The following GABRR2 variants were observed in gnomAD, a reference collection of about 807,000 sequenced individuals.
GABRR2 encodes the protein gamma-aminobutyric acid receptor subunit rho-2.
Under a neutral mutation model 47.0 loss-of-function variants are expected in GABRR2, and 36 were observed. That is an observed-to-expected ratio of 0.77 (90% CI 0.59 to 1.01). The LOEUF (loss-of-function observed/expected upper bound fraction) is 1.01, where lower values mean the gene tolerates loss of function less well. GABRR2 is among the 50% of genes least tolerant of loss of function. The pLI, the probability that GABRR2 is intolerant of heterozygous loss-of-function variation, is 0.00. For synonymous variants in GABRR2, 204 were observed against 227.5 expected (o/e 0.90, Z 0.93); for missense variants, 587 against 594.6 (o/e 0.99, Z 0.13).
chr6:89,264,632 G>A, intron 7 of GABRR2, 24 bp from the exon 8 acceptor site: 1 of 1,612,630 alleles, frequency 6.2e-7, no homozygotes, highest in Non-Finnish European at 8.5e-7. Flanking sequence ...CCTTAGTTGG[G>A]CTGCTGACAG....
chr6:89,296,439 C>A (rs926740507), intron 2 of GABRR2, among the ~76,000 whole-genome samples: 9 of 152,234 alleles, frequency 5.9e-5, no homozygotes, highest in African/African-American at 2.2e-4. Flanking sequence ...GAAAGCCCTG[C>A]AGGAGATTAC....
At chr6:89,308,939 C>A (rs143696347) in intron 1 of GABRR2, among the ~76,000 whole-genome samples, 1 of 151,914 alleles carries the variant, frequency 6.6e-6, no homozygotes, top group South Asian at 2.1e-4. Context: ...GGGAGGTGGA[C>A]GATAAACCAG....
intron 2 of GABRR2, among the ~76,000 whole-genome samples, chr6:89,279,231 T>C (rs1774217661): frequency 6.6e-6 from 1 of 152,212 alleles, no homozygotes; most frequent in African/African-American, 2.4e-5. Flanking sequence ...CTTGTGTTTG[T>C]GCTCTGTTAT....
At position 89,282,180 on chromosome 6, in the gene GABRR2, G is replaced by A. The variant is rs149076523; in HGVS notation, c.221-10458C>T. On this transcript the variant is annotated intron_variant, in intron 2 of 8. Coordinates refer to ENST00000402938, the MANE Select transcript of GABRR2 (RefSeq NM_002043.5). ...CTCCCATGCTAGGCCCAGCCAGCGA[G>A]CCACCAGCCCCCCTCCTCCACCACA... Among the ~76,000 whole-genome samples the A allele has an allele frequency of 3.2e-3, 490 of 152,248 alleles. 5 individuals carry two copies. The highest frequency in any genetic ancestry group is 0.011 in the African/African-American group (468 of 41,544).
rs186571944 is a variant in GABRR2 at position 89,255,175 on chromosome 6, G to T, written c.*2495C>A. On this transcript the variant is annotated 3_prime_UTR_variant, in exon 9 of 9. Coordinates refer to ENST00000402938, the MANE Select transcript of GABRR2 (RefSeq NM_002043.5). ...TTTCTGGCCGGGTGTGGTGGCTCAC[G>T]CCTGTAATCACAGCACTTTGGGAGG... Among the ~76,000 whole-genome samples, 1 of 152,124 alleles carries T rather than the reference G, an allele frequency of 6.6e-6. No homozygotes were observed. Among genetic ancestry groups the T allele is most frequent in the African/African-American group, 2.4e-5 (1 of 41,400 alleles).
chr6:89,304,761 A>G (rs1466224641), intron 1 of GABRR2, among the ~76,000 whole-genome samples: 1 of 152,198 alleles, frequency 6.6e-6, no homozygotes, highest in East Asian at 1.9e-4. Context: ...ACCAGTCAGA[A>G]TCACTATTAT....
intron 2 of GABRR2, among the ~76,000 whole-genome samples, chr6:89,272,545 T>A (rs1774075407): frequency 6.6e-6 from 1 of 152,074 alleles, no homozygotes; most frequent in South Asian, 2.1e-4. Flanking sequence ...TAATTTTTTT[T>A]AAACTTAGAA....
intron 6 of GABRR2, among the ~76,000 whole-genome samples, chr6:89,266,999 C>CTTT (rs71024360): frequency 0.12 from 15,327 of 125,700 alleles, 1,320 homozygotes; most frequent in African/African-American, 0.19. Flanking sequence ...TTCTTTTCTT[C>CTTT]TTTTTTTTTT....
At chr6:89,302,903 T>A in intron 1 of GABRR2, 1 of 1,187,820 alleles carries the variant, frequency 8.4e-7, no homozygotes, top group Non-Finnish European at 1.2e-6. Flanking sequence ...TGTTCAAGCA[T>A]CTCAGAGCAG....
At chr6:89,304,544 G>A (rs920152639) in intron 1 of GABRR2, among the ~76,000 whole-genome samples, 10 of 150,598 alleles carry the variant, frequency 6.6e-5, no homozygotes, top group East Asian at 3.9e-4. Flanking sequence ...AGCTGAGATC[G>A]TGCCACTACA....
chr6:89,304,578 G>A (rs1379678550), intron 1 of GABRR2, among the ~76,000 whole-genome samples: 2 of 140,200 alleles, frequency 1.4e-5, no homozygotes, highest in Admixed American at 7.4e-5. Context: ...GAGAGAGTGA[G>A]ACTCCATCTC....
intron 8 of GABRR2, among the ~76,000 whole-genome samples, chr6:89,259,127 A>G (rs370070979): frequency 6.6e-6 from 1 of 152,014 alleles, no homozygotes; most frequent in African/African-American, 2.4e-5. Context: ...GTGGGCTTCC[A>G]CTGGTGCCTG....
Position 89,269,172 on chromosome 6 carries a change from G to A in GABRR2, c.351C>T (p.Ser117=), listed in dbSNP as rs752214685. 3.5e-5 allele frequency: 57 copies of A among 1,613,950 alleles called. No homozygotes were observed. Among genetic ancestry groups the A allele is most frequent in the African/African-American group, 1.6e-4 (12 of 74,950 alleles). The change falls in exon 4 of 9, where the codon AGC becomes AGT. Residue 117 remains serine, a synonymous_variant. Coordinates refer to ENST00000402938, the MANE Select transcript of GABRR2 (RefSeq NM_002043.5). The part of the protein sequence containing the change: ...YWKDERLAFS[S]ASNKSMTFDG... The stretch of plus-strand genomic sequence containing the variant: ...CGAAGGTCATGCTCTTGTTGCTGGC[G>A]CTGGAGAAAGCTAGCCTCTCATCCT...
intron 2 of GABRR2, among the ~76,000 whole-genome samples, chr6:89,284,987 G>A (rs963385833): frequency 2.0e-5 from 3 of 152,168 alleles, no homozygotes; most frequent in Non-Finnish European, 2.9e-5. Flanking sequence ...GTCCACAGCC[G>A]ACTCCCCAGG....
intron 8 of GABRR2, among the ~76,000 whole-genome samples, chr6:89,259,827 A>AG (rs1773701809): frequency 6.6e-6 from 1 of 151,424 alleles, no homozygotes. Flanking sequence ...TAATTATCAT[A>AG]GACTCATAGC....
At chr6:89,314,743 T>A (rs1767733638) in intron 1 of GABRR2, among the ~76,000 whole-genome samples, 1 of 152,184 alleles carries the variant, frequency 6.6e-6, no homozygotes, top group Non-Finnish European at 1.5e-5. Flanking sequence ...AGCAGCACAA[T>A]GTGATTTGTA....
rs1157993328 is a variant in GABRR2 at position 89,267,903 on chromosome 6, G to A, written c.596-84C>T. On this transcript the variant is annotated intron_variant, in intron 5 of 8. Transcript: ENST00000402938. ...AACAGGGAAATCCTATGCCAGTCCA[G>A]AAGTAAATAGGTCTTAACGCTGGCG... 8 of 1,581,080 alleles carry A rather than the reference G, an allele frequency of 5.1e-6. No homozygotes were observed. In the Admixed American group the frequency reaches 1.3e-4, roughly 26 times the overall value.
intron 2 of GABRR2, among the ~76,000 whole-genome samples, chr6:89,293,585 G>A (rs1158424112): frequency 2.0e-5 from 3 of 152,118 alleles, no homozygotes; most frequent in Non-Finnish European, 4.4e-5. Flanking sequence ...CCAGAAGTTC[G>A]AGACCAGCCT....
At chr6:89,286,995 C>T (rs1774344097) in intron 2 of GABRR2, among the ~76,000 whole-genome samples, 1 of 152,314 alleles carries the variant, frequency 6.6e-6, no homozygotes, top group Admixed American at 6.5e-5. Context: ...ACTAACCTCA[C>T]CCAGTGTGGG....
Sources: allele counts gnomAD v4.1 joint callset (sites outside exome capture counted in the v4.1 genomes callset), GRCh38; gene constraint gnomAD v4.1.1; transcripts MANE v1.5; gene names NCBI Gene and HGNC (gene_info 2026-07-23, HGNC 2026-07-21).